GALNT17: variants seen among roughly 807,000 people sequenced by gnomAD.
The protein encoded by GALNT17 is UDP-GalNAc:polypeptide N-acetylgalactosaminyltransferase-like 3.
A neutral mutation model predicts 63.7 loss-of-function variants in GALNT17; 29 were observed. The ratio of observed to expected loss-of-function variants is 0.46; its 90% CI spans 0.34 to 0.62. GALNT17 has a LOEUF of 0.62. GALNT17 is among the 20% of genes least tolerant of loss of function. The pLI is 0.01. For missense variants in GALNT17, 603 were observed against 799.6 expected, an observed-to-expected ratio of 0.75 and a Z score of 2.97; for synonymous variants, 305 against 318.3, an observed-to-expected ratio of 0.96 and a Z score of 0.45.
intron 9 of GALNT17, among the ~76,000 whole-genome samples, chr7:71,706,707 G>A (rs1302165874): frequency 1.3e-5 from 2 of 152,074 alleles, no homozygotes; most frequent in African/African-American, 2.4e-5. Context: ...CTCTCTCAAG[G>A]GCACTTAATA....
intron 9 of GALNT17, among the ~76,000 whole-genome samples, chr7:71,710,389 TC>T (rs916452999): frequency 7.9e-5 from 12 of 152,118 alleles, no homozygotes; most frequent in African/African-American, 2.4e-4. Flanking sequence ...GCGCCTGTAA[TC>T]CCACGTACTC....
At chr7:71,446,180 C>T (rs924854195) in intron 5 of GALNT17, among the ~76,000 whole-genome samples, 1 of 152,134 alleles carries the variant, frequency 6.6e-6, no homozygotes, top group Non-Finnish European at 1.5e-5. Context: ...ATGTTGTCTT[C>T]CAGCCCAGTA....
At chr7:71,683,794 A>G (rs540133007) in intron 9 of GALNT17, among the ~76,000 whole-genome samples, 31 of 152,168 alleles carry the variant, frequency 2.0e-4, no homozygotes, top group African/African-American at 7.5e-4. Flanking sequence ...GATCACTTCC[A>G]GTCAGGAGTT....
chr7:71,297,656 C>T (rs1791106835), intron 1 of GALNT17, among the ~76,000 whole-genome samples: 2 of 152,154 alleles, frequency 1.3e-5, no homozygotes, highest in South Asian at 4.1e-4. Context: ...CAGCCTTTCT[C>T]ATAATAGCTC....
intron 1 of GALNT17, among the ~76,000 whole-genome samples, chr7:71,239,397 A>G (rs899155269): frequency 1.3e-5 from 2 of 152,198 alleles, no homozygotes; most frequent in African/African-American, 4.8e-5. Context: ...ACTTGAGCCC[A>G]GGAATTCAAG....
intron 2 of GALNT17, among the ~76,000 whole-genome samples, chr7:71,345,334 G>C (rs781165593): frequency 1.3e-5 from 2 of 152,090 alleles, no homozygotes; most frequent in Non-Finnish European, 2.9e-5. Flanking sequence ...CTCAAACCAT[G>C]TAGGTAATTT....
chr7:71,353,819 A>C (rs1413641597), intron 2 of GALNT17, among the ~76,000 whole-genome samples: 2 of 152,192 alleles, frequency 1.3e-5, no homozygotes, highest in Non-Finnish European at 2.9e-5. Context: ...CTGTTCTGGC[A>C]TTGCTATAAA....
At chr7:71,227,819 C>T (rs1485584268) in intron 1 of GALNT17, among the ~76,000 whole-genome samples, 1 of 152,112 alleles carries the variant, frequency 6.6e-6, no homozygotes, top group Non-Finnish European at 1.5e-5. Flanking sequence ...CTGTGCTTGG[C>T]TGAGCGAGTC....
chr7:71,335,354 C>A (rs563699282), intron 1 of GALNT17, among the ~76,000 whole-genome samples, 196 bp from the exon 2 acceptor site: 4 of 152,144 alleles, frequency 2.6e-5, no homozygotes, highest in Middle Eastern at 3.4e-3. Flanking sequence ...ACTTTAACCC[C>A]AGAACTCTCT....
intron 6 of GALNT17, among the ~76,000 whole-genome samples, chr7:71,618,880 T>C (rs1479986100): frequency 2.6e-5 from 4 of 152,226 alleles, no homozygotes; most frequent in African/African-American, 9.6e-5. Flanking sequence ...CAAACATTCT[T>C]TGCCAAGGCT....
At chr7:71,256,141 T>C (rs1195068664) in intron 1 of GALNT17, among the ~76,000 whole-genome samples, 1 of 152,220 alleles carries the variant, frequency 6.6e-6, no homozygotes, top group Non-Finnish European at 1.5e-5. Context: ...AATTCTTTCA[T>C]CCATTTACCA....
At chr7:71,228,370 A>C (rs1789720896) in intron 1 of GALNT17, among the ~76,000 whole-genome samples, 1 of 152,200 alleles carries the variant, frequency 6.6e-6, no homozygotes, top group Admixed American at 6.5e-5. Context: ...CCTGGGGCCA[A>C]CACAGCTGGT....
intron 5 of GALNT17, among the ~76,000 whole-genome samples, chr7:71,557,876 C>A (rs1789190743): frequency 6.6e-6 from 1 of 151,996 alleles, no homozygotes. Context: ...AGATCGAGAC[C>A]ATCCTGGCTA....
chr7:71,485,908 A>G lies in GALNT17; in HGVS notation c.962+64803A>G, dbSNP rs565776615. On this transcript the variant is annotated intron_variant, in intron 5 of 10. Transcript: ENST00000333538. ...GTGCCCTTTTCTTAAGGAATTCATA[A>G]TCTAATTGTTACGTTTCTCTGATTG... Among the ~76,000 whole-genome samples the G allele has an allele frequency of 1.9e-3, 286 of 152,310 alleles. 3 individuals are homozygous for G. The highest frequency in any genetic ancestry group is 0.01 in the Middle Eastern group (3 of 294).
chr7:71,152,132 T>C (rs1268812345), intron 1 of GALNT17, among the ~76,000 whole-genome samples: 1 of 152,178 alleles, frequency 6.6e-6, no homozygotes, highest in Non-Finnish European at 1.5e-5. Flanking sequence ...CTTCCTGCAA[T>C]TGAACTGATT....
chr7:71,690,214 A>G (rs1791421608), intron 9 of GALNT17, among the ~76,000 whole-genome samples: 1 of 151,830 alleles, frequency 6.6e-6, no homozygotes, highest in African/African-American at 2.4e-5. Context: ...TAGTAGAGAC[A>G]GGGTTTCCAC....
At chr7:71,648,428 G>A (rs1355714670) in intron 6 of GALNT17, among the ~76,000 whole-genome samples, 1 of 151,858 alleles carries the variant, frequency 6.6e-6, no homozygotes, top group Non-Finnish European at 1.5e-5. Flanking sequence ...ATGCCACCAT[G>A]CCCAGATAAC....
At chr7:71,292,413 G>A (rs545275880) in intron 1 of GALNT17, among the ~76,000 whole-genome samples, 140 of 152,254 alleles carry the variant, frequency 9.2e-4, no homozygotes, top group African/African-American at 3.2e-3. Context: ...AAATCCTCAT[G>A]TTGTTTGGAT....
At chr7:71,442,970 G>A (rs568779619) in intron 5 of GALNT17, among the ~76,000 whole-genome samples, 4 of 152,258 alleles carry the variant, frequency 2.6e-5, no homozygotes, top group African/African-American at 9.6e-5. Context: ...AAAGGAAAGA[G>A]GAGAGAAATG....
Sources: gnomAD v4.1 joint callset for allele counts (sites outside exome capture counted in the v4.1 genomes callset) on GRCh38, gnomAD v4.1.1 for gene constraint, MANE v1.5 for transcripts, NCBI Gene and HGNC (gene_info 2026-07-23, HGNC 2026-07-21) for gene names.